SACS: variants seen among roughly 807,000 people sequenced by gnomAD.
SACS encodes the protein sacsin molecular chaperone.
SACS carries 197 observed loss-of-function variants against 348.0 expected under a neutral mutation model. The observed-to-expected ratio is 0.57, with a 90% CI of 0.50 to 0.64. SACS has a LOEUF of 0.64. Among genes scored for constraint, SACS ranks in the 30% least tolerant of loss-of-function variants. The pLI is 0.00. For synonymous variants in SACS, 1,985 were observed against 1,910.6 expected, an observed-to-expected ratio of 1.04 and a Z score of -1.02; for missense variants, 4,999 against 5,360.8, an observed-to-expected ratio of 0.93 and a Z score of 2.11.
chr13:23,422,768 C>T (rs1208658309), intron 1 of SACS, among the ~76,000 whole-genome samples: 1 of 151,980 alleles, frequency 6.6e-6, no homozygotes, highest in South Asian at 2.1e-4. Flanking sequence ...ACGCCATTCT[C>T]CTGCCTCAGC....
At chr13:23,367,892 C>G (rs1004911050) in intron 5 of SACS, among the ~76,000 whole-genome samples, 2 of 152,152 alleles carry the variant, frequency 1.3e-5, no homozygotes, top group Non-Finnish European at 2.9e-5. Context: ...CTGCGCCCAG[C>G]CTGTTTTTTA....
In SACS at chr13:23,375,228, C is replaced by A; in HGVS notation, c.62G>T (p.Arg21Met). Reference protein sequence around the residue: ...VTVLPGCVGCRTVAALASWTV... With the variant: ...VTVLPGCVGCMTVAALASWTV... The stretch of plus-strand genomic sequence containing the variant: ...CCAGGACGCCAGCGCCGCGACGGTC[C>A]TGCAGCCCACGCAGCCGGGGAGCAC... The change falls in exon 3 of 10, where the codon AGG becomes ATG. Residue 21 changes from arginine (R) to methionine (M), a missense_variant. Physicochemically the swap from Arg to Met is moderately conservative, Grantham distance 91. Transcript: ENST00000382292. 1.3e-6 allele frequency: 2 copies of A among 1,490,508 alleles called. No homozygotes were observed. Among genetic ancestry groups the A allele is most frequent in the Admixed American group, 2.3e-5 (1 of 43,278 alleles). The allele number at this position is 1,490,508 out of a possible 1,614,324, so 92.3% of individuals were successfully genotyped here. A position where few individuals can be genotyped will look rare whatever the true frequency, so the allele number is the denominator to read the frequency against.
chr13:23,408,642 T>G (rs1200467066), intron 2 of SACS, among the ~76,000 whole-genome samples: 1 of 152,056 alleles, frequency 6.6e-6, no homozygotes, highest in Non-Finnish European at 1.5e-5. Context: ...ACACCAGAGC[T>G]CCAGAAGCCT....
chr13:23,386,087 C>T (rs1176681030), intron 2 of SACS, among the ~76,000 whole-genome samples: 1 of 152,184 alleles, frequency 6.6e-6, no homozygotes, highest in Admixed American at 6.5e-5. Context: ...AATGCTTAAG[C>T]GCCCTAGGAT....
In SACS at chr13:23,367,943, A is replaced by G. The variant is rs111372904; in HGVS notation, c.345+459T>C. 4.0e-4 allele frequency among the ~76,000 whole-genome samples: 61 copies of G among 152,382 alleles called. 1 individual carries two copies. Among genetic ancestry groups the G allele is most frequent in the Non-Finnish European group, 4.3e-4 (29 of 68,038 alleles). On this transcript the variant is annotated intron_variant, in intron 5 of 9. Coordinates refer to ENST00000382292, the MANE Select transcript of SACS (RefSeq NM_014363.6). ...CTAAAAAAACATATTACAAAAAGAA[A>G]TAAGTAAATAAAATAATTATCCTAT...
intron 1 of SACS, among the ~76,000 whole-genome samples, chr13:23,422,349 C>A (rs548744629): frequency 6.6e-6 from 1 of 152,168 alleles, no homozygotes. Flanking sequence ...AAAGAAGTTC[C>A]AAACACACAT....
intron 7 of SACS, among the ~76,000 whole-genome samples, chr13:23,356,650 T>G (rs17078638): frequency 0.011 from 1,743 of 152,204 alleles, 74 homozygotes; most frequent in Admixed American, 0.066. Flanking sequence ...AAGGACAGAG[T>G]AGTATTCAAA....
At chr13:23,382,164 T>C (rs1223729677) in intron 2 of SACS, among the ~76,000 whole-genome samples, 1 of 151,960 alleles carries the variant, frequency 6.6e-6, no homozygotes, top group African/African-American at 2.4e-5. Context: ...TTGTTTTTTG[T>C]TTTTTTTGAG....
intron 2 of SACS, among the ~76,000 whole-genome samples, chr13:23,388,279 A>AGCC (rs1872377760): frequency 6.7e-6 from 1 of 150,036 alleles, no homozygotes; most frequent in African/African-American, 2.4e-5. Flanking sequence ...GTTTGCAGTG[A>AGCC]GCCGAGATTG....
intron 9 of SACS, among the ~76,000 whole-genome samples, chr13:23,352,851 C>T (rs1870055583): frequency 6.6e-6 from 1 of 152,196 alleles, no homozygotes; most frequent in Non-Finnish European, 1.5e-5. Context: ...CTTTTACTCT[C>T]ACTTTAACTC....
At chr13:23,390,028 G>GT (rs34887662) in intron 2 of SACS, among the ~76,000 whole-genome samples, 40,178 of 151,642 alleles carry the variant, frequency 0.26, 6,331 homozygotes, top group Non-Finnish European at 0.35. Flanking sequence ...AATGGATTTG[G>GT]TTTTTTTTCT....
intron 8 of SACS, 56 bp downstream of exon 8, chr13:23,354,463 A>G: frequency 2.7e-6 from 4 of 1,460,230 alleles, no homozygotes; most frequent in Non-Finnish European, 3.8e-6. Context: ...TCTCACAGTG[A>G]GCAGGAGCAG....
In SACS at chr13:23,340,259, T is replaced by C. The variant is rs148565480; in HGVS notation, c.3617A>G (p.His1206Arg). ...GSSLPLVESI[H>R]VNLEKALGIF... Reference sequence around the variant, plus strand: ...CCCTAATGCTTTTTCCAGGTTTACATGGATACTTTCAACAAGAGGAAGTGA... The same window carrying C: ...CCCTAATGCTTTTTCCAGGTTTACACGGATACTTTCAACAAGAGGAAGTGA... The change falls in exon 10 of 10, where the codon CAT becomes CGT. Residue 1206 changes from histidine (H) to arginine (R), a missense_variant. Around this residue, in one of 6 missense-constraint regions of SACS, gnomAD observed 3,156 missense variants for 3,380.1 expected, o/e 0.93. Transcript: ENST00000382292. 15 of 1,612,318 alleles carry C rather than the reference T, an allele frequency of 9.3e-6. No individual in the cohort carries two copies. The highest frequency in any genetic ancestry group is 1.6e-4 in the Middle Eastern group (1 of 6,084).
At chr13:23,406,467 A>G (rs1033940683) in intron 2 of SACS, among the ~76,000 whole-genome samples, 4 of 152,196 alleles carry the variant, frequency 2.6e-5, no homozygotes, top group African/African-American at 9.6e-5. Context: ...ACCATGGTAC[A>G]TGTATACTTA....
At position 23,430,778 on chromosome 13, in the gene SACS, C is replaced by G. The variant is rs184318148; in HGVS notation, c.-502+2837G>C. ...CTTATTTTCTGCCCCAGATGACAAA[C>G]TCATGGTGTAATCTCGAGCAGAATA... is the stretch of plus-strand genomic sequence containing the variant. On this transcript the variant is annotated intron_variant, in intron 1 of 9. Transcript: ENST00000382292. Among the ~76,000 whole-genome samples, 7 of 152,282 alleles carry G rather than the reference C, an allele frequency of 4.6e-5. No homozygotes were observed. In the East Asian group the frequency reaches 1.4e-3, roughly 29 times the overall value.
intron 2 of SACS, among the ~76,000 whole-genome samples, chr13:23,406,504 T>C (rs1183810611): frequency 6.7e-6 from 1 of 149,568 alleles, no homozygotes; most frequent in Non-Finnish European, 1.5e-5. Context: ...GTTCTGCACA[T>C]GTATCCCAAA....
At chr13:23,368,021 A>G (rs549495269) in intron 5 of SACS, among the ~76,000 whole-genome samples, 11 of 152,364 alleles carry the variant, frequency 7.2e-5, no homozygotes, top group African/African-American at 2.2e-4. Context: ...TCCAATGGGC[A>G]TGCATTCAAG....
In SACS at chr13:23,339,762, G is replaced by C. The variant is rs771277349; in HGVS notation, c.4114C>G (p.Pro1372Ala). 6.2e-7 allele frequency: 1 copy of C among 1,614,080 alleles called. No individual in the cohort carries two copies. The highest frequency in any genetic ancestry group is 1.1e-5 in the South Asian group (1 of 91,072). The change falls in exon 10 of 10, where the codon CCA (proline) becomes GCA (alanine). Residue 1372 changes from proline to alanine, a missense_variant. Transcript: ENST00000382292. ...GGAACTGGTGTGTTGGGGCTTGCTG[G>C]AATCTGATTGCTATACAGCCATCTG... ...IIRWLYSNQIPASPNTPVPIH... is the reference protein window; with the variant it reads ...IIRWLYSNQIAASPNTPVPIH...
At chr13:23,378,196 A>G (rs1871892875) in intron 2 of SACS, among the ~76,000 whole-genome samples, 1 of 152,114 alleles carries the variant, frequency 6.6e-6, no homozygotes, top group Non-Finnish European at 1.5e-5. Flanking sequence ...TTTTAATGAG[A>G]GTTTGTTGTT....
Sources: gnomAD v4.1 joint callset for allele counts (sites outside exome capture counted in the v4.1 genomes callset) on GRCh38, gnomAD v4.1.1 for gene constraint, gnomAD v4.1.1 regional missense constraint, MANE v1.5 for transcripts, NCBI Gene and HGNC (gene_info 2026-07-23, HGNC 2026-07-21) for gene names.